RNF212B: variants seen among roughly 807,000 people sequenced by gnomAD.
RNF212B encodes E3 ubiquitin-protein ligase RNF212B.
RNF212B carries 52 observed loss-of-function variants against 55.5 expected under a neutral mutation model. The observed-to-expected ratio is 0.94, with a 90% CI of 0.75 to 1.18. The LOEUF (loss-of-function observed/expected upper bound fraction) is 1.18. RNF212B is among the 50% of genes most tolerant of loss of function. The pLI is 0.00. For synonymous variants in RNF212B, 99 were observed against 121.4 expected (o/e 0.82, Z 1.21); for missense variants, 289 against 350.4 (o/e 0.82, Z 1.40).
chr14:23,229,749 T>C (rs1010221856), intron 2 of RNF212B, among the ~76,000 whole-genome samples: 1 of 152,226 alleles, frequency 6.6e-6, no homozygotes, highest in African/African-American at 2.4e-5. Flanking sequence ...TTTTTTGTTG[T>C]TGAGTTGTTC....
At position 23,258,570 on chromosome 14, in the gene RNF212B, C is replaced by A. The variant is rs762279875; in HGVS notation, c.250C>A (p.Gln84Lys). ...GTAGGTGTGGAGTTTCCAGAAGAAA[C>A]AAACAGATCTCCTCATCGCCTTTTA... The part of the protein sequence containing the change: ...ISQVWSFQKK[Q>K]TDLLIAFYKH... The change falls in exon 5 of 15, where the codon CAA becomes AAA. Residue 84 changes from glutamine to lysine, a missense_variant. Transcript: ENST00000430154. 6 of 1,534,694 alleles carry A rather than the reference C, an allele frequency of 3.9e-6. No homozygotes were observed. The highest frequency in any genetic ancestry group is 5.3e-6 in the Non-Finnish European group (6 of 1,139,364).
intron 4 of RNF212B, among the ~76,000 whole-genome samples, chr14:23,247,453 T>C (rs1884071873): frequency 6.6e-6 from 1 of 151,990 alleles, no homozygotes; most frequent in Admixed American, 6.6e-5. Context: ...TAATTTACTT[T>C]CTGTTGCTAT....
In RNF212B at chr14:23,271,490, T is replaced by A. The variant is rs78677707; in HGVS notation, c.834+829T>A. On this transcript the variant is annotated intron_variant, in intron 14 of 14. Transcript: ENST00000430154. ...AAAAAAATAAAAGTCCAGTCTTGCC[T>A]TTTTTTGTTTGTTTTTTTTAATGGC... Among the ~76,000 whole-genome samples the A allele has an allele frequency of 8.1e-3, 975 of 120,058 alleles. 14 individuals carry two copies. The highest frequency in any genetic ancestry group is 0.026 in the African/African-American group (909 of 34,366). The allele number at this position is 120,058 out of a possible 152,430, so 78.8% of individuals were successfully genotyped here. A position where few individuals can be genotyped will look rare whatever the true frequency, so the allele number is the denominator to read the frequency against.
intron 2 of RNF212B, among the ~76,000 whole-genome samples, chr14:23,230,725 T>C (rs111936229): frequency 5.8e-4 from 88 of 152,124 alleles, no homozygotes; most frequent in African/African-American, 9.9e-4. Context: ...CCCCTATATT[T>C]TCTTCTAAGA....
intron 12 of RNF212B, among the ~76,000 whole-genome samples, 145 bp from the exon 13 acceptor site, chr14:23,269,711 CAAAAAAA>C (rs956501851): frequency 7.8e-6 from 1 of 127,588 alleles, no homozygotes; most frequent in African/African-American, 3.0e-5. Flanking sequence ...GACCCTGTCT[CAAAAAAA>C]AAAAAAGAAA....
At chr14:23,223,062 A>AG (rs1375014385) in intron 2 of RNF212B, among the ~76,000 whole-genome samples, 2 of 151,662 alleles carry the variant, frequency 1.3e-5, no homozygotes, top group African/African-American at 4.8e-5. Flanking sequence ...CTCAAAAAAA[A>AG]AAAAAAAAAG....
chr14:23,269,870 T>C lies in RNF212B; in HGVS notation c.682T>C (p.Ser228Pro). 1 of 1,539,756 alleles carries C rather than the reference T, an allele frequency of 6.5e-7. No homozygotes were observed. Among genetic ancestry groups the C allele is most frequent in the South Asian group, 1.2e-5 (1 of 83,846 alleles). ...TTTATTTGCTTTCCTTAGAACTTCA[T>C]CTGCCTCCTCTGGACAGGGGATTTT... ...STHSLSYRTS[S>P]ASSGQGIFSF... Residue 228 changes from serine to proline, a missense_variant, in exon 13 of 15, where the codon TCT becomes CCT. Transcript: ENST00000430154.
chr14:23,196,072 G>C (rs1239339720), intron 2 of RNF212B, among the ~76,000 whole-genome samples: 1 of 152,024 alleles, frequency 6.6e-6, no homozygotes, highest in African/African-American at 2.4e-5. Context: ...ACTACCACTT[G>C]GTCACATCCT....
Position 23,270,669 on chromosome 14 carries a change from C to A in RNF212B, c.834+8C>A. ...CAGCTACCAGTCCTGCAGGTGAGACCTGGCTAGTCTAACTTGTCTGTGCAT... is the reference window on the plus strand; with the variant it reads ...CAGCTACCAGTCCTGCAGGTGAGACATGGCTAGTCTAACTTGTCTGTGCAT... On this transcript the variant is annotated splice_region_variant and intron_variant, in intron 14 of 14. Coordinates refer to ENST00000430154, the MANE Select transcript of RNF212B (RefSeq NM_001282322.3). 6.5e-7 allele frequency: 1 copy of A among 1,540,652 alleles called. No individual in the cohort carries two copies. Among genetic ancestry groups the A allele is most frequent in the South Asian group, 1.2e-5 (1 of 83,850 alleles).
chr14:23,242,243 A>G (rs1464741111), intron 2 of RNF212B, among the ~76,000 whole-genome samples: 1 of 152,060 alleles, frequency 6.6e-6, no homozygotes. Context: ...GCTGTTTACT[A>G]TGGTAACAGC....
intron 10 of RNF212B, 22 bp from the exon 11 acceptor site, chr14:23,264,601 A>G (rs1265351276): frequency 1.5e-6 from 2 of 1,315,892 alleles, no homozygotes; most frequent in African/African-American, 3.0e-5. Context: ...TTATTAATTG[A>G]TGCTTATTAT....
chr14:23,212,481 A>G (rs904339026), intron 2 of RNF212B, among the ~76,000 whole-genome samples: 1 of 152,208 alleles, frequency 6.6e-6, no homozygotes, highest in Admixed American at 6.5e-5. Context: ...TTTGTAGAAT[A>G]CAAGATCAAT....
At position 23,272,957 on chromosome 14, in the gene RNF212B, G is replaced by C; in HGVS notation, c.*66G>C. 1.1e-6 allele frequency: 1 copy of C among 892,914 alleles called. No homozygotes were observed. The allele number at this position is 892,914 out of a possible 1,614,324, so 55.3% of individuals were successfully genotyped here. On this transcript the variant is annotated 3_prime_UTR_variant, in exon 15 of 15. Transcript: ENST00000430154. ...GGACTGTAGCTTCCAGTACGCATTA[G>C]GGGTGATGGCCCTGGAAAATGTATC...
intron 2 of RNF212B, among the ~76,000 whole-genome samples, chr14:23,210,312 T>C (rs957056903): frequency 2.6e-5 from 4 of 152,336 alleles, no homozygotes; most frequent in African/African-American, 9.6e-5. Context: ...AAACCGTCTC[T>C]GACCAGAGAA....
chr14:23,238,844 G>C (rs545468949), intron 1 of RNF212B, among the ~76,000 whole-genome samples: 1 of 151,712 alleles, frequency 6.6e-6, no homozygotes, highest in African/African-American at 2.4e-5. Context: ...TATGAAATTG[G>C]TATTGGCAGA....
upstream of RNF212B, among the ~76,000 whole-genome samples, chr14:23,233,778 A>G (rs1046968955): frequency 6.6e-6 from 1 of 151,500 alleles, no homozygotes; most frequent in African/African-American, 2.4e-5. Flanking sequence ...TCAAAACTCA[A>G]CAATAAGAAA....
chr14:23,240,569 C>G, intron 2 of RNF212B, 124 bp downstream of exon 2: 1 of 551,928 alleles, frequency 1.8e-6, no homozygotes, highest in Non-Finnish European at 3.2e-6. Flanking sequence ...GATAAAGATA[C>G]TGTAGGAAAC....
At chr14:23,227,858 C>G (rs1171685764) in intron 2 of RNF212B, among the ~76,000 whole-genome samples, 3 of 152,016 alleles carry the variant, frequency 2.0e-5, no homozygotes, top group Non-Finnish European at 4.4e-5. Flanking sequence ...CTCAGCCCCC[C>G]GAAGTGCTGG....
intron 1 of RNF212B, among the ~76,000 whole-genome samples, chr14:23,186,188 C>T (rs953251040): frequency 3.3e-5 from 5 of 152,120 alleles, no homozygotes. Flanking sequence ...TATTAAGTGC[C>T]TCTCTGTAGG....
Sources: gnomAD v4.1 joint callset for allele counts (sites outside exome capture counted in the v4.1 genomes callset) on GRCh38, gnomAD v4.1.1 for gene constraint, MANE v1.5 for transcripts, NCBI Gene and HGNC (gene_info 2026-07-23, HGNC 2026-07-21) for gene names.